NBEA: variants seen among roughly 807,000 people sequenced by gnomAD.
NBEA encodes lysosomal-trafficking regulator 2.
A neutral mutation model predicts 343.4 loss-of-function variants in NBEA; 44 were observed. That is an observed-to-expected ratio of 0.13 (90% CI 0.10 to 0.16). The LOEUF (loss-of-function observed/expected upper bound fraction) is 0.16, where lower values mean the gene tolerates loss of function less well. Among genes scored for constraint, NBEA ranks in the 10% least tolerant of loss-of-function variants. NBEA has a pLI of 1.00. For synonymous variants in NBEA, 1,175 were observed against 1,238.7 expected (o/e 0.95, Z 1.08); for missense variants, 2,555 against 3,631.3 (o/e 0.70, Z 7.62).
At chr13:35,115,043 A>AT (rs1200102705) in intron 13 of NBEA, among the ~76,000 whole-genome samples, 1 of 152,062 alleles carries the variant, frequency 6.6e-6, no homozygotes, top group Admixed American at 6.6e-5. Flanking sequence ...AATTATTATT[A>AT]TATATAGTTA....
chr13:35,119,183 T>A (rs1446278429), intron 16 of NBEA, among the ~76,000 whole-genome samples: 1 of 152,176 alleles, frequency 6.6e-6, no homozygotes, highest in Non-Finnish European at 1.5e-5. Context: ...TATAATTTCT[T>A]AATTAGTATT....
At chr13:35,448,040 A>G (rs143233121) in intron 39 of NBEA, among the ~76,000 whole-genome samples, 16 of 152,208 alleles carry the variant, frequency 1.1e-4, no homozygotes, top group African/African-American at 3.6e-4. Context: ...ATTTAGATAA[A>G]TGTTTGGTGC....
At chr13:35,457,694 T>A (rs1594703133) in intron 40 of NBEA, among the ~76,000 whole-genome samples, 1 of 152,240 alleles carries the variant, frequency 6.6e-6, no homozygotes, top group East Asian at 1.9e-4. Context: ...CTGCAAGCTC[T>A]GCCTCCCGGG....
chr13:35,051,225 T>C (rs1221540912), intron 6 of NBEA, among the ~76,000 whole-genome samples: 1 of 151,956 alleles, frequency 6.6e-6, no homozygotes, highest in East Asian at 1.9e-4. Flanking sequence ...CTTTCTTGGG[T>C]ATATGACAGT....
intron 38 of NBEA, among the ~76,000 whole-genome samples, chr13:35,368,431 TG>T (rs1301188956): frequency 6.6e-6 from 1 of 151,520 alleles, no homozygotes; most frequent in Non-Finnish European, 1.5e-5. Flanking sequence ...ATAAAATACC[TG>T]TCAGATTTGT....
chr13:35,251,363 G>C, intron 34 of NBEA: 3 of 1,028,482 alleles, frequency 2.9e-6, no homozygotes, highest in Middle Eastern at 4.5e-4. Context: ...GCCTTGGAGA[G>C]GACTCCAATG....
At position 35,156,125 on chromosome 13, in the gene NBEA, C is replaced by G; in HGVS notation, c.2570C>G (p.Pro857Arg). The change falls in exon 20 of 59, where the codon CCA (proline) becomes CGA (arginine). Residue 857 changes from proline to arginine, a missense_variant. Around this residue, in one of 21 missense-constraint regions of NBEA, gnomAD observed 360 missense variants for 519.1 expected, o/e 0.69. Transcript: ENST00000379939. ...VVATLLKNST[P>R]SAELMEVRRL... ...GCAACTTTGTTAAAAAACTCTACACCAAGTGCAGAGCTGATGGAAGTTCGT... is the reference window on the plus strand; with the variant it reads ...GCAACTTTGTTAAAAAACTCTACACGAAGTGCAGAGCTGATGGAAGTTCGT... The G allele has an allele frequency of 6.3e-7, 1 of 1,588,396 alleles. No homozygotes were observed. The highest frequency in any genetic ancestry group is 2.2e-5 in the East Asian group (1 of 44,498).
intron 48 of NBEA, 60 bp downstream of exon 48, chr13:35,606,638 T>G (rs2082291905): frequency 1.4e-6 from 2 of 1,430,352 alleles, no homozygotes; most frequent in Non-Finnish European, 1.9e-6. Flanking sequence ...TTCTGTAGTT[T>G]TGTTTTGTCC....
In NBEA at chr13:35,176,140, A is replaced by G. The variant is rs552342953; in HGVS notation, c.4555-856A>G. ...AGTTTTGGAATTGTAATGGAAACCA[A>G]ATACTATCAACCTTTAAATACTATG... On this transcript the variant is annotated intron_variant, in intron 27 of 58. Transcript: ENST00000379939. Among the ~76,000 whole-genome samples, 3 of 152,184 alleles carry G rather than the reference A, an allele frequency of 2.0e-5. No individual in the cohort carries two copies. In the South Asian group the frequency reaches 6.2e-4, roughly 32 times the overall value.
In NBEA at chr13:34,944,047, G is replaced by A. The variant is rs116230379; in HGVS notation, c.294+933G>A. Among the ~76,000 whole-genome samples the A allele has an allele frequency of 3.3e-3, 510 of 152,312 alleles. 3 individuals are homozygous for A. The highest frequency in any genetic ancestry group is 0.01 in the African/African-American group (427 of 41,554). ...TAATTAACAGTAGTTCATATTTAGT[G>A]CTTTGTAAATGGAGGTTTTGTTTTG... is the stretch of plus-strand genomic sequence containing the variant. On this transcript the variant is annotated intron_variant, in intron 1 of 58. Coordinates refer to ENST00000379939, the MANE Select transcript of NBEA (RefSeq NM_001385012.1).
At chr13:35,658,677 C>T (rs913826886) in intron 55 of NBEA, among the ~76,000 whole-genome samples, 1 of 151,910 alleles carries the variant, frequency 6.6e-6, no homozygotes, top group African/African-American at 2.4e-5. Flanking sequence ...TTTAAGGATT[C>T]GTAAAATGCT....
At chr13:34,957,857 C>A (rs1043586913) in intron 1 of NBEA, among the ~76,000 whole-genome samples, 8 of 152,010 alleles carry the variant, frequency 5.3e-5, no homozygotes, top group African/African-American at 1.4e-4. Context: ...ATATTTATAA[C>A]TCTTTTGAGT....
chr13:35,514,234 T>C (rs2077394786), intron 41 of NBEA, among the ~76,000 whole-genome samples: 1 of 152,154 alleles, frequency 6.6e-6, no homozygotes, highest in African/African-American at 2.4e-5. Context: ...TGCTCAGTAG[T>C]TTGATATACT....
intron 41 of NBEA, among the ~76,000 whole-genome samples, chr13:35,488,677 G>A (rs1352657033): frequency 1.3e-5 from 2 of 151,792 alleles, no homozygotes; most frequent in Non-Finnish European, 2.9e-5. Flanking sequence ...ATGAGCAGAG[G>A]TAAATACTTT....
At chr13:35,246,525 G>A (rs1222469390) in intron 34 of NBEA, among the ~76,000 whole-genome samples, 2 of 152,140 alleles carry the variant, frequency 1.3e-5, no homozygotes, top group Non-Finnish European at 2.9e-5. Flanking sequence ...GTGGCTTCCT[G>A]CTAGCCAAAC....
At chr13:35,162,596 T>G (rs2069654625) in intron 23 of NBEA, among the ~76,000 whole-genome samples, 1 of 152,084 alleles carries the variant, frequency 6.6e-6, no homozygotes, top group African/African-American at 2.4e-5. Context: ...TTTCACTTTC[T>G]CTTTTTCTTC....
intron 38 of NBEA, among the ~76,000 whole-genome samples, chr13:35,367,591 C>T (rs2041194942): frequency 6.7e-6 from 1 of 150,238 alleles, no homozygotes. Context: ...TTTCTATTAC[C>T]ATTATTCAGT....
rs1406429320 is a variant in NBEA, at chr13:35,583,896, A to T, written c.7036-2A>T. ...AACAAAATATTTTTTTTCTTTTAATAGCCAATTGGTGCTTTGAACCCCAAG... is the reference window on the plus strand; with the variant it reads ...AACAAAATATTTTTTTTCTTTTAATTGCCAATTGGTGCTTTGAACCCCAAG... On this transcript the variant is annotated splice_acceptor_variant, in intron 45 of 58. Transcript: ENST00000379939. LOFTEE classifies it high-confidence loss of function. The T allele has an allele frequency of 1.2e-6, 2 of 1,601,584 alleles. No homozygotes were observed. Among genetic ancestry groups the T allele is most frequent in the Admixed American group, 3.6e-5 (2 of 56,228 alleles).
At chr13:34,975,022 G>A (rs1288864274) in intron 1 of NBEA, among the ~76,000 whole-genome samples, 1 of 152,062 alleles carries the variant, frequency 6.6e-6, no homozygotes. Flanking sequence ...ATCACCTTGA[G>A]GTAAAGTCCT....
Sources: gnomAD v4.1 joint callset for allele counts (sites outside exome capture counted in the v4.1 genomes callset) on GRCh38, gnomAD v4.1.1 for gene constraint, gnomAD v4.1.1 regional missense constraint, MANE v1.5 for transcripts, NCBI Gene and HGNC (gene_info 2026-07-23, HGNC 2026-07-21) for gene names.